Variants in UNC80 observed in about 807,000 individuals in gnomAD.
UNC80 encodes protein unc-80 homolog.
A neutral mutation model predicts 384.6 loss-of-function variants in UNC80; 164 were observed. The observed-to-expected ratio is 0.43, with a 90% CI of 0.38 to 0.49. UNC80 has a LOEUF of 0.49. Among genes scored for constraint, UNC80 ranks in the 20% least tolerant of loss-of-function variants. The pLI, the probability that UNC80 is intolerant of heterozygous loss-of-function variation, is 0.00. For missense variants in UNC80, 3,330 were observed against 4,143.0 expected, an observed-to-expected ratio of 0.80 and a Z score of 5.39; for synonymous variants, 1,486 against 1,527.8, an observed-to-expected ratio of 0.97 and a Z score of 0.64.
At chr2:209,832,406 G>A (rs764366996) in intron 16 of UNC80, among the ~76,000 whole-genome samples, 20 of 152,050 alleles carry the variant, frequency 1.3e-4, no homozygotes, top group Non-Finnish European at 2.5e-4. Flanking sequence ...ATGAATAGGT[G>A]AATTCAGGTA....
chr2:209,896,872 G>A (rs1228725899), intron 28 of UNC80, among the ~76,000 whole-genome samples: 2 of 152,162 alleles, frequency 1.3e-5, no homozygotes, highest in Non-Finnish European at 2.9e-5. Flanking sequence ...AGAGGGCACA[G>A]GCAGGAGGTG....
At chr2:209,925,165 G>A (rs927924458) in intron 35 of UNC80, among the ~76,000 whole-genome samples, 2 of 151,234 alleles carry the variant, frequency 1.3e-5, no homozygotes, top group Non-Finnish European at 2.9e-5. Flanking sequence ...TGAAAGCTCC[G>A]AAAAAAGTGT....
chr2:209,939,611 G>A lies in UNC80; in HGVS notation c.6605G>A (p.Ser2202Asn). 6.4e-6 allele frequency: 10 copies of A among 1,551,574 alleles called. No individual in the cohort carries two copies. Among genetic ancestry groups the A allele is most frequent in the Non-Finnish European group, 7.8e-6 (9 of 1,146,780 alleles). The change falls in exon 43 of 65, where the codon AGT becomes AAT. Residue 2202 changes from serine (S) to asparagine (N), a missense_variant. Transcript: ENST00000673920. Reference protein sequence around the residue: ...DLLRLPSFPRSAIDAEFSLFS... With the variant: ...DLLRLPSFPRNAIDAEFSLFS... ...CTCCGCCTGCCCTCATTCCCTCGTA[G>A]TGCTATTGATGCTGAGTTTTCACTC...
chr2:209,961,649 A>G (rs1219053982), intron 51 of UNC80, among the ~76,000 whole-genome samples: 1 of 152,222 alleles, frequency 6.6e-6, no homozygotes, highest in Non-Finnish European at 1.5e-5. Flanking sequence ...TAGTTATCAA[A>G]GCAAAGAATG....
rs2086619729 is a variant in UNC80 at position 209,894,373 on chromosome 2, T to C, written c.4480+7T>C. 1.0e-6 allele frequency: 1 copy of C among 984,882 alleles called. No individual in the cohort carries two copies. Among genetic ancestry groups the C allele is most frequent in the Non-Finnish European group, 1.2e-6 (1 of 829,780 alleles). The allele number at this position is 984,882 out of a possible 1,614,324, so 61.0% of individuals were successfully genotyped here. On this transcript the variant is annotated splice_region_variant and intron_variant, in intron 27 of 64. Transcript: ENST00000673920. Reference sequence around the variant, plus strand: ...GACACTGTCACTGACCTAGGTAACATAGAGGAGTGGGGTGTGCAGGGACGT... The same window carrying C: ...GACACTGTCACTGACCTAGGTAACACAGAGGAGTGGGGTGTGCAGGGACGT...
intron 36 of UNC80, among the ~76,000 whole-genome samples, chr2:209,927,721 A>G (rs1017604493): frequency 1.3e-5 from 2 of 152,242 alleles, no homozygotes; most frequent in African/African-American, 4.8e-5. Flanking sequence ...TCTAGAACAG[A>G]GTTTCATGAT....
chr2:209,954,179 A>G lies in UNC80; in HGVS notation c.7366A>G (p.Thr2456Ala). The G allele has an allele frequency of 1.3e-6, 2 of 1,551,208 alleles. No individual in the cohort carries two copies. The highest frequency in any genetic ancestry group is 1.7e-6 in the Non-Finnish European group (2 of 1,146,956). The change falls in exon 48 of 65, where the codon ACA (threonine) becomes GCA (alanine). Residue 2456 changes from threonine (T) to alanine (A), a missense_variant. Around this residue, in one of 8 missense-constraint regions of UNC80, gnomAD observed 1,049 missense variants for 1,488.6 expected, o/e 0.70. Transcript: ENST00000673920. ...AAAGAGGCAGACATCACAGGTGGAG[A>G]CAGTACCTGCTGCCCGAGAGGAGAT... ...KLKRQTSQVE[T>A]VPAAREEIAA... is the part of the protein sequence containing the mutation.
chr2:209,893,720 C>T (rs1486725394), intron 26 of UNC80, among the ~76,000 whole-genome samples: 3 of 152,130 alleles, frequency 2.0e-5, no homozygotes, highest in South Asian at 2.1e-4. Context: ...GAGAGAGAAG[C>T]ACCTTTGGTT....
intron 13 of UNC80, among the ~76,000 whole-genome samples, chr2:209,825,635 A>G (rs2080458487): frequency 6.6e-6 from 1 of 152,200 alleles, no homozygotes; most frequent in Admixed American, 6.5e-5. Context: ...AGTCAAGGAT[A>G]TAAAAGCATG....
chr2:209,792,910 T>G (rs1334289190), intron 6 of UNC80, among the ~76,000 whole-genome samples: 1 of 152,224 alleles, frequency 6.6e-6, no homozygotes, highest in Non-Finnish European at 1.5e-5. Context: ...TTTAAATCTC[T>G]AAATCACCTA....
At chr2:209,952,933 T>A (rs187470775) in intron 47 of UNC80, among the ~76,000 whole-genome samples, 11 of 152,262 alleles carry the variant, frequency 7.2e-5, no homozygotes, top group Admixed American at 2.0e-4. Context: ...AGAGCACATA[T>A]TATAGGCAAA....
At chr2:209,802,324 A>G (rs2078615788) in intron 7 of UNC80, among the ~76,000 whole-genome samples, 1 of 152,174 alleles carries the variant, frequency 6.6e-6, no homozygotes, top group Non-Finnish European at 1.5e-5. Flanking sequence ...ACCACAAAAA[A>G]AGTATGTGAG....
chr2:209,993,890 G>A (rs1227320827), intron 63 of UNC80, among the ~76,000 whole-genome samples, 175 bp from the exon 64 acceptor site: 3 of 152,148 alleles, frequency 2.0e-5, no homozygotes, highest in Non-Finnish European at 2.9e-5. Flanking sequence ...CTCTTTGTAA[G>A]AAGATAAAAT....
chr2:209,979,470 T>G (rs1263594697), intron 59 of UNC80, among the ~76,000 whole-genome samples: 2 of 152,168 alleles, frequency 1.3e-5, no homozygotes, highest in African/African-American at 4.8e-5. Flanking sequence ...AAAAGACCAG[T>G]TGGCTCTACC....
intron 25 of UNC80, among the ~76,000 whole-genome samples, chr2:209,886,553 T>C (rs1349027339): frequency 6.6e-6 from 1 of 152,232 alleles, no homozygotes; most frequent in Non-Finnish European, 1.5e-5. Context: ...GTAATTACTT[T>C]CCTCGAGGCT....
intron 18 of UNC80, among the ~76,000 whole-genome samples, chr2:209,835,510 G>A (rs1480751839): frequency 2.6e-5 from 4 of 152,040 alleles, no homozygotes; most frequent in East Asian, 3.9e-4. Context: ...AGTGTCCTCC[G>A]ACATCAGTTA....
At chr2:209,988,184 T>A (rs962976785) in intron 61 of UNC80, among the ~76,000 whole-genome samples, 60 of 152,190 alleles carry the variant, frequency 3.9e-4, no homozygotes, top group Non-Finnish European at 2.5e-4. Context: ...ATCGCTCCCG[T>A]GAAGTGCTGG....
intron 17 of UNC80, 108 bp from the exon 18 acceptor site, chr2:209,834,804 A>G (rs2081231636): frequency 8.0e-6 from 7 of 872,204 alleles, no homozygotes; most frequent in Non-Finnish European, 1.3e-5. Context: ...TAAAGTTCAC[A>G]AGCTGCAAAG....
At chr2:209,784,720 G>A (rs1158030544) in intron 4 of UNC80, among the ~76,000 whole-genome samples, 5 of 152,210 alleles carry the variant, frequency 3.3e-5, no homozygotes, top group Admixed American at 2.0e-4. Flanking sequence ...TACGAACAGA[G>A]ATTTTTGTAT....
Sources: allele counts gnomAD v4.1 joint callset (sites outside exome capture counted in the v4.1 genomes callset), GRCh38; gene constraint gnomAD v4.1.1; regional missense constraint gnomAD v4.1.1; transcripts MANE v1.5; gene names NCBI Gene and HGNC (gene_info 2026-07-23, HGNC 2026-07-21).